Variants in SF3B3 observed in about 807,000 individuals in gnomAD.
SF3B3 encodes the protein splicing factor 3b subunit 3.
A neutral mutation model predicts 139.2 loss-of-function variants in SF3B3; 33 were observed. The ratio of observed to expected loss-of-function variants is 0.24; its 90% CI spans 0.18 to 0.32. SF3B3 has a LOEUF of 0.32. Among genes scored for constraint, SF3B3 ranks in the 10% least tolerant of loss-of-function variants. The pLI is 1.00. For missense variants in SF3B3, 818 were observed against 1,509.4 expected (o/e 0.54, Z 7.59); for synonymous variants, 596 against 563.6 (o/e 1.06, Z -0.81).
chr16:70,553,937 C>T (rs2050355214), intron 11 of SF3B3, among the ~76,000 whole-genome samples: 1 of 152,194 alleles, frequency 6.6e-6, no homozygotes, highest in South Asian at 2.1e-4. Context: ...CTAGGATTCT[C>T]AGCTTCCAAC....
At chr16:70,537,958 C>G (rs985132434) in intron 6 of SF3B3, 4 of 508,078 alleles carry the variant, frequency 7.9e-6, no homozygotes, top group African/African-American at 7.8e-5. Context: ...TTTTAGGAAT[C>G]AGGCATTTGA....
At chr16:70,567,005 G>A (rs1476126783) in intron 20 of SF3B3, among the ~76,000 whole-genome samples, 3 of 151,566 alleles carry the variant, frequency 2.0e-5, no homozygotes, top group African/African-American at 7.3e-5. Context: ...AGCCATGATT[G>A]CGCCTGCCAC....
At chr16:70,557,116 G>C (rs948269802) in intron 15 of SF3B3, 87 bp downstream of exon 15, 1 of 1,401,928 alleles carries the variant, frequency 7.1e-7, no homozygotes, top group Non-Finnish European at 9.6e-7. Context: ...GATTTTCTCT[G>C]CCCATGGTTT....
chr16:70,539,241 G>A, intron 8 of SF3B3, 34 bp downstream of exon 8: 1 of 1,494,472 alleles, frequency 6.7e-7, no homozygotes, highest in Non-Finnish European at 9.3e-7. Flanking sequence ...AGTTCACCCT[G>A]GTTGGGATAA....
intron 11 of SF3B3, 58 bp downstream of exon 11, chr16:70,548,500 G>T: frequency 7.1e-7 from 1 of 1,417,696 alleles, no homozygotes. Context: ...GACATAGAAG[G>T]CTTGAAAGGC....
chr16:70,556,346 T>G lies in SF3B3; in HGVS notation c.1866+12T>G, dbSNP rs1478274633. 13 of 1,613,912 alleles carry G rather than the reference T, an allele frequency of 8.1e-6. No individual in the cohort carries two copies. Among genetic ancestry groups the G allele is most frequent in the Admixed American group, 6.7e-5 (4 of 60,002 alleles). ...CCCTGGATCCCTCAGTGAGTGACAC[T>G]CTGAGCTTCAAGGATCATCTGGTTG... On this transcript the variant is annotated intron_variant, in intron 14 of 25. Coordinates refer to ENST00000302516, the MANE Select transcript of SF3B3 (RefSeq NM_012426.5).
Position 70,539,152 on chromosome 16 carries a change from G to A in SF3B3, c.1012G>A (p.Ala338Thr). The change falls in exon 8 of 26, where the codon GCC (alanine) becomes ACC (threonine). Residue 338 changes from alanine (A) to threonine (T), a missense_variant. Ala to Thr is a moderately conservative substitution (Grantham distance 58). This residue lies in a region of SF3B3 where 80 missense variants were observed against 206.5 expected (regional missense o/e 0.39). Transcript: ENST00000302516. ...TTTTGATACTGTACCCGTTGCTGCT[G>A]CCATGTGTGTGCTTAAAACAGGGTT... ...KYFDTVPVAA[A>T]MCVLKTGFLF... 1 of 1,614,190 alleles carries A rather than the reference G, an allele frequency of 6.2e-7. No homozygotes were observed. The highest frequency in any genetic ancestry group is 8.5e-7 in the Non-Finnish European group (1 of 1,180,000).
rs1324737088 is a variant in SF3B3 at position 70,526,582 on chromosome 16, C to T, written c.-70-5C>T. On this transcript the variant is annotated splice_region_variant and splice_polypyrimidine_tract_variant and intron_variant, in intron 1 of 25. Coordinates refer to ENST00000302516, the MANE Select transcript of SF3B3 (RefSeq NM_012426.5). ...CAGCTATTTTTCTGTTTTCTGTTTT[C>T]TTAGCTTTCTTGGACTCCGTACTGT... is the stretch of plus-strand genomic sequence containing the variant. 2 of 1,015,330 alleles carry T rather than the reference C, an allele frequency of 2.0e-6. No homozygotes were observed. Among genetic ancestry groups the T allele is most frequent in the Non-Finnish European group, 3.0e-6 (2 of 667,214 alleles). 62.9% of individuals were successfully genotyped at this position (1,015,330 alleles called of 1,614,324 possible).
At chr16:70,559,800 G>C (rs1276727429) in intron 15 of SF3B3, among the ~76,000 whole-genome samples, 4 of 150,476 alleles carry the variant, frequency 2.7e-5, no homozygotes, top group Non-Finnish European at 5.9e-5. Flanking sequence ...ACAGAGTCTC[G>C]CTATGTTGGC....
chr16:70,571,552 G>C (rs1461105642), intron 25 of SF3B3, 121 bp from the exon 26 acceptor site: 3 of 1,058,266 alleles, frequency 2.8e-6, no homozygotes, highest in Non-Finnish European at 4.0e-6. Flanking sequence ...ATGATAGGGT[G>C]AGACCCTGTC....
chr16:70,561,883 A>G, intron 17 of SF3B3, 99 bp downstream of exon 17: 1 of 1,022,562 alleles, frequency 9.8e-7, no homozygotes, highest in Non-Finnish European at 1.5e-6. Context: ...AAGAGGTGGC[A>G]GAGAGCCGAC....
Position 70,530,873 on chromosome 16 carries a change from G to A in SF3B3, c.526G>A (p.Gly176Arg). 1.2e-6 allele frequency: 2 copies of A among 1,613,696 alleles called. No homozygotes were observed. Among genetic ancestry groups the A allele is most frequent in the Non-Finnish European group, 1.7e-6 (2 of 1,179,884 alleles). The part of the protein sequence containing the change: ...LVYHVVGVDV[G>R]FENPMFACLE... ...GTATCATGTAGTTGGAGTAGATGTCGGATTTGAAAATCCAATGTTTGCTTG... is the reference window on the plus strand; with the variant it reads ...GTATCATGTAGTTGGAGTAGATGTCAGATTTGAAAATCCAATGTTTGCTTG... The change falls in exon 4 of 26, where the codon GGA becomes AGA. Residue 176 changes from glycine to arginine, a missense_variant. Around this residue, in one of 14 missense-constraint regions of SF3B3, gnomAD observed 144 missense variants for 259.2 expected, o/e 0.56. Coordinates refer to ENST00000302516, the MANE Select transcript of SF3B3 (RefSeq NM_012426.5).
At chr16:70,535,121 C>A (rs1007958728) in intron 5 of SF3B3, among the ~76,000 whole-genome samples, 187 bp from the exon 6 acceptor site, 2 of 152,168 alleles carry the variant, frequency 1.3e-5, no homozygotes, top group Non-Finnish European at 2.9e-5. Flanking sequence ...ACCAAACCTT[C>A]CATGTAAACA....
rs773006686 is a variant in SF3B3 at position 70,560,461 on chromosome 16, T to C, written c.2011-8T>C. ...TCAGGCTTCACCTGCTCCTCTCCTT[T>C]TGATTAGAACGGTGTGCTGCTGAGG... On this transcript the variant is annotated splice_region_variant and splice_polypyrimidine_tract_variant and intron_variant, in intron 15 of 25. Coordinates refer to ENST00000302516, the MANE Select transcript of SF3B3 (RefSeq NM_012426.5). 1.2e-6 allele frequency: 2 copies of C among 1,612,580 alleles called. No homozygotes were observed. The highest frequency in any genetic ancestry group is 8.5e-7 in the Non-Finnish European group (1 of 1,179,038).
At chr16:70,524,118 A>G (rs537359636) in intron 1 of SF3B3, 190 bp downstream of exon 1, 133 of 376,794 alleles carry the variant, frequency 3.5e-4, no homozygotes, top group Non-Finnish European at 5.1e-4. Flanking sequence ...TTCCATCCAC[A>G]GTGTGGGAAC....
At chr16:70,548,223 G>A (rs1300581733) in intron 10 of SF3B3, 147 bp from the exon 11 acceptor site, 7 of 662,670 alleles carry the variant, frequency 1.1e-5, no homozygotes, top group Non-Finnish European at 1.9e-5. Context: ...TTGGTTCTTA[G>A]ATTCTTCTTT....
intron 6 of SF3B3, among the ~76,000 whole-genome samples, chr16:70,535,697 T>C (rs1193531801): frequency 2.6e-5 from 4 of 152,066 alleles, no homozygotes; most frequent in Non-Finnish European, 4.4e-5. Context: ...ATGTTTCTAG[T>C]TTGGAGAAAC....
Position 70,571,880 on chromosome 16 carries a change from A to G in SF3B3, c.*67A>G, listed in dbSNP as rs1186487119. On this transcript the variant is annotated 3_prime_UTR_variant, in exon 26 of 26. Coordinates refer to ENST00000302516, the MANE Select transcript of SF3B3 (RefSeq NM_012426.5). ...TGTTTCCCCCACCACCATCACTGCCACCTGGCTTCTGCCATGTGGCAGGAG... is the reference window on the plus strand; with the variant it reads ...TGTTTCCCCCACCACCATCACTGCCGCCTGGCTTCTGCCATGTGGCAGGAG... The G allele has an allele frequency of 6.5e-6, 10 of 1,541,714 alleles. No homozygotes were observed. In the African/African-American group the frequency reaches 6.9e-5, roughly 11 times the overall value.
chr16:70,569,028 G>T lies in SF3B3; in HGVS notation c.3166-15G>T. The stretch of plus-strand genomic sequence containing the variant: ...TCCGGGCCCCAGCAGTGTGACTTGT[G>T]TCACTTCCTTGTAGGTGAGGCTCCC... On this transcript the variant is annotated splice_polypyrimidine_tract_variant and intron_variant, in intron 22 of 25. Transcript: ENST00000302516. 1 of 1,591,360 alleles carries T rather than the reference G, an allele frequency of 6.3e-7. No individual in the cohort carries two copies. The highest frequency in any genetic ancestry group is 8.6e-7 in the Non-Finnish European group (1 of 1,165,300).
Sources: gnomAD v4.1 joint callset for allele counts (sites outside exome capture counted in the v4.1 genomes callset) on GRCh38, gnomAD v4.1.1 for gene constraint, gnomAD v4.1.1 regional missense constraint, MANE v1.5 for transcripts, NCBI Gene and HGNC (gene_info 2026-07-23, HGNC 2026-07-21) for gene names.